The following NT5C2 variants were observed in gnomAD, a reference collection of about 807,000 sequenced individuals.
The protein encoded by NT5C2 is 5'-nucleotidase, cytosolic II.
In NT5C2, 58 loss-of-function variants were observed where a neutral mutation model predicts 76.1. The observed-to-expected ratio is 0.76, with a 90% CI of 0.62 to 0.95. The LOEUF is 0.95. Among genes scored for constraint, NT5C2 ranks in the 40% least tolerant of loss-of-function variants. The pLI is 0.00. For synonymous variants in NT5C2, 229 were observed against 237.4 expected (o/e 0.96, Z 0.32); for missense variants, 478 against 690.3 (o/e 0.69, Z 3.45).
intron 4 of NT5C2, among the ~76,000 whole-genome samples, chr10:103,118,048 GATA>G (rs2074782653): frequency 6.6e-6 from 1 of 152,114 alleles, no homozygotes; most frequent in African/African-American, 2.4e-5. Flanking sequence ...CTATATGAAG[GATA>G]ATATCTATTT....
chr10:103,131,639 C>G (rs12571568), intron 4 of NT5C2, among the ~76,000 whole-genome samples: 62,377 of 152,106 alleles, frequency 0.41, 12,993 homozygotes, highest in East Asian at 0.56. Context: ...CTCAAAGCAA[C>G]GCCGGGTGCA....
At chr10:103,133,878 G>A (rs2078701573) in intron 4 of NT5C2, among the ~76,000 whole-genome samples, 2 of 152,184 alleles carry the variant, frequency 1.3e-5, no homozygotes, top group South Asian at 4.1e-4. Flanking sequence ...GAACTTATTG[G>A]GAGCTGGAGC....
intron 4 of NT5C2, among the ~76,000 whole-genome samples, chr10:103,123,397 A>AT (rs1205042803): frequency 3.9e-5 from 6 of 151,908 alleles, no homozygotes; most frequent in Non-Finnish European, 8.8e-5. Flanking sequence ...GGTAATCTTT[A>AT]TTTTTTGTAG....
At chr10:103,139,624 T>C (rs2079993974) in intron 3 of NT5C2, 145 bp from the exon 4 acceptor site, 2 of 581,472 alleles carry the variant, frequency 3.4e-6, no homozygotes, top group Non-Finnish European at 6.0e-6. Context: ...TTAAGATGTA[T>C]AACACGACAT....
intron 3 of NT5C2, among the ~76,000 whole-genome samples, chr10:103,162,735 G>C (rs1246778615): frequency 6.6e-6 from 1 of 151,924 alleles, no homozygotes; most frequent in East Asian, 1.9e-4. Flanking sequence ...TCCACAAAAA[G>C]ATTTGTTCAA....
chr10:103,108,240 C>A (rs1404550725), intron 4 of NT5C2, among the ~76,000 whole-genome samples: 1 of 152,174 alleles, frequency 6.6e-6, no homozygotes, highest in Non-Finnish European at 1.5e-5. Context: ...ATCTTTCCAT[C>A]AGTCTCCAGG....
chr10:103,137,527 T>C (rs2079526343), intron 4 of NT5C2, among the ~76,000 whole-genome samples: 1 of 152,254 alleles, frequency 6.6e-6, no homozygotes, highest in African/African-American at 2.4e-5. Context: ...TTCACATTTG[T>C]AGCCTAAATC....
chr10:103,109,097 G>T (rs973306865), intron 4 of NT5C2, among the ~76,000 whole-genome samples: 1 of 152,066 alleles, frequency 6.6e-6, no homozygotes, highest in Non-Finnish European at 1.5e-5. Context: ...TGATCCGCCT[G>T]CCTCGGGCTC....
intron 4 of NT5C2, chr10:103,125,024 A>T (rs2076401699): frequency 4.8e-6 from 1 of 210,258 alleles, no homozygotes; most frequent in Non-Finnish European, 9.7e-6. Flanking sequence ...TCTCTAGAAA[A>T]AGAATCCTAC....
chr10:103,155,516 G>T (rs1351932464), intron 3 of NT5C2, among the ~76,000 whole-genome samples: 1 of 152,184 alleles, frequency 6.6e-6, no homozygotes, highest in Non-Finnish European at 1.5e-5. Context: ...AGCAGGCTAA[G>T]AGGAAAAGAA....
intron 4 of NT5C2, among the ~76,000 whole-genome samples, chr10:103,108,441 C>G (rs1204084457): frequency 1.3e-5 from 2 of 152,138 alleles, no homozygotes; most frequent in Non-Finnish European, 1.5e-5. Context: ...ATTAGTCTAC[C>G]TATCCAAGTT....
intron 3 of NT5C2, among the ~76,000 whole-genome samples, chr10:103,142,507 C>CA (rs2080648399): frequency 6.6e-6 from 1 of 151,812 alleles, no homozygotes; most frequent in African/African-American, 2.4e-5. Context: ...CCCGTCTCCA[C>CA]AAAAAATACA....
rs60341061 is a variant in NT5C2 at position 103,094,247 on chromosome 10, T to TA, written c.921+100dup. 0.18 allele frequency: 112,958 copies of TA among 622,174 alleles called. 2,723 individuals carry two copies. Among genetic ancestry groups the TA allele is most frequent in the Middle Eastern group, 0.24 (865 of 3,654 alleles). The allele number at this position is 622,174 out of a possible 1,614,324, so 38.5% of individuals were successfully genotyped here. A position where few individuals can be genotyped will look rare whatever the true frequency, so the allele number is the denominator to read the frequency against. On this transcript the variant is annotated intron_variant, in intron 13 of 18. Coordinates refer to ENST00000404739, the MANE Select transcript of NT5C2 (RefSeq NM_001351169.2). ...ATTTCAAAAGAGAGATACGGCTAATTAAAAAAAAAAAATTCCTGTTTCCTT... is the reference window on the plus strand; with the variant it reads ...ATTTCAAAAGAGAGATACGGCTAATTAAAAAAAAAAAAATTCCTGTTTCCTT...
chr10:103,143,109 A>G (rs2080824372), intron 3 of NT5C2, among the ~76,000 whole-genome samples: 2 of 152,168 alleles, frequency 1.3e-5, no homozygotes, highest in Admixed American at 6.5e-5. Flanking sequence ...GCCAAAGTTA[A>G]AACTGCATGG....
intron 3 of NT5C2, among the ~76,000 whole-genome samples, chr10:103,157,943 C>T (rs938607582): frequency 2.6e-5 from 4 of 151,898 alleles, no homozygotes; most frequent in African/African-American, 4.8e-5. Flanking sequence ...CATGGTGGCA[C>T]GCACCTGTAG....
At position 103,088,228 on chromosome 10, in the gene NT5C2, A is replaced by G. The variant is rs1391895365; in HGVS notation, c.*1444T>C. ...CCCTATTGACCAATGACAAGAATGG[A>G]AGAAAATATACAATGGTTAAAGAAA... is the stretch of plus-strand genomic sequence containing the variant. On this transcript the variant is annotated 3_prime_UTR_variant, in exon 19 of 19. Coordinates refer to ENST00000404739, the MANE Select transcript of NT5C2 (RefSeq NM_001351169.2). 3 of 152,246 alleles carry G rather than the reference A, an allele frequency of 2.0e-5. No homozygotes were observed. The highest frequency in any genetic ancestry group is 7.2e-5 in the African/African-American group (3 of 41,464). 9.4% of individuals were successfully genotyped at this position (152,246 alleles called of 1,614,324 possible).
intron 1 of NT5C2, among the ~76,000 whole-genome samples, chr10:103,190,740 C>G (rs1314570897): frequency 6.6e-6 from 1 of 152,150 alleles, no homozygotes; most frequent in Non-Finnish European, 1.5e-5. Flanking sequence ...CGTCACTCAA[C>G]ATATGCCTTG....
At chr10:103,151,828 A>T (rs915635618) in intron 3 of NT5C2, among the ~76,000 whole-genome samples, 1 of 152,208 alleles carries the variant, frequency 6.6e-6, no homozygotes, top group African/African-American at 2.4e-5. Context: ...AGCATAGAGA[A>T]TAAAACTTAA....
At chr10:103,146,536 T>A in intron 3 of NT5C2, 12 of 602,144 alleles carry the variant, frequency 2.0e-5, no homozygotes, top group Non-Finnish European at 2.3e-5. Flanking sequence ...CTAAAAAGTA[T>A]GTGTCTGTAT....
Sources: allele counts gnomAD v4.1 joint callset (sites outside exome capture counted in the v4.1 genomes callset), GRCh38; gene constraint gnomAD v4.1.1; transcripts MANE v1.5; gene names NCBI Gene and HGNC (gene_info 2026-07-23, HGNC 2026-07-21).